The following MS4A13 variants were observed in gnomAD, a reference collection of about 807,000 sequenced individuals.
The protein encoded by MS4A13 is membrane spanning 4-domains A13.
In MS4A13, 21 loss-of-function variants were observed where a neutral mutation model predicts 18.4. The observed-to-expected ratio is 1.14, with a 90% CI of 0.81 to 1.64. The LOEUF (loss-of-function observed/expected upper bound fraction) is 1.64, where lower values mean the gene tolerates loss of function less well. MS4A13 is among the 40% of genes most tolerant of loss of function. The pLI is 0.00. For synonymous variants in MS4A13, 62 were observed against 57.2 expected (o/e 1.08, Z -0.38); for missense variants, 173 against 176.8 (o/e 0.98, Z 0.12).
At position 60,518,232 on chromosome 11, in the gene MS4A13, A is replaced by G; in HGVS notation, c.129+20A>G. On this transcript the variant is annotated intron_variant, in intron 3 of 6. Transcript: ENST00000378186. ...ATTTTTGTGAGTAGAATACATATAT[A>G]TTGCTTTAATCATACAATAAATAAT... is the stretch of plus-strand genomic sequence containing the variant. 6.3e-7 allele frequency: 1 copy of G among 1,577,604 alleles called. No individual in the cohort carries two copies. Among genetic ancestry groups the G allele is most frequent in the African/African-American group, 1.4e-5 (1 of 73,880 alleles).
intron 6 of MS4A13, among the ~76,000 whole-genome samples, chr11:60,538,183 AAAAAAAAACG>A (rs1229249069): frequency 1.3e-5 from 2 of 151,292 alleles, no homozygotes; most frequent in South Asian, 4.2e-4. Context: ...ATAATAAAAA[AAAAAAAAACG>A]AAAAAAAAAA....
rs765180418 is a variant in MS4A13, at chr11:60,542,615, T to G, written c.*40T>G. Reference sequence around the variant, plus strand: ...TGAGAATTTTGCTGTTGCTGATGCCTGGTGTGGGTCCTAATGATATCTCTG... The same window carrying G: ...TGAGAATTTTGCTGTTGCTGATGCCGGGTGTGGGTCCTAATGATATCTCTG... On this transcript the variant is annotated 3_prime_UTR_variant, in exon 7 of 7. Coordinates refer to ENST00000378186, the MANE Select transcript of MS4A13 (RefSeq NM_001012417.3). 1.5e-6 allele frequency: 2 copies of G among 1,327,504 alleles called. No individual in the cohort carries two copies. Among genetic ancestry groups the G allele is most frequent in the Non-Finnish European group, 2.2e-6 (2 of 927,964 alleles). 82.2% of individuals were successfully genotyped at this position (1,327,504 alleles called of 1,614,324 possible). A position where few individuals can be genotyped will look rare whatever the true frequency, so the allele number is the denominator to read the frequency against.
At chr11:60,528,173 C>T (rs1011694247) in intron 5 of MS4A13, among the ~76,000 whole-genome samples, 1 of 106,682 alleles carries the variant, frequency 9.4e-6, no homozygotes, top group African/African-American at 3.8e-5. Flanking sequence ...TAGCTTTACT[C>T]TACTGGTTGT....
chr11:60,527,410 C>CTCTCTCTGTG (rs1555024373), intron 5 of MS4A13, among the ~76,000 whole-genome samples: 3 of 28,806 alleles, frequency 1.0e-4, no homozygotes, highest in Admixed American at 5.9e-4. Flanking sequence ...CTCTCTCTCT[C>CTCTCTCTGTG]TGTGTGTGTG....
intron 2 of MS4A13, among the ~76,000 whole-genome samples, chr11:60,516,358 T>TA (rs1262024734): frequency 2.0e-5 from 3 of 152,234 alleles, no homozygotes; most frequent in African/African-American, 4.8e-5. Context: ...CACTTACATT[T>TA]ATGCAGTAGG....
intron 5 of MS4A13, among the ~76,000 whole-genome samples, chr11:60,526,317 T>C (rs1465495544): frequency 2.6e-5 from 4 of 152,214 alleles, no homozygotes; most frequent in African/African-American, 9.6e-5. Context: ...CTAGAAATCT[T>C]TAGTTCTAAT....
In MS4A13 at chr11:60,518,119, T is replaced by C. The variant is rs1161033856; in HGVS notation, c.36T>C (p.Phe12=). 4 of 1,608,164 alleles carry C rather than the reference T, an allele frequency of 2.5e-6. No homozygotes were observed. In the African/African-American group the frequency reaches 4.0e-5, roughly 16 times the overall value. Residue 12 remains phenylalanine (F), a synonymous_variant, in exon 3 of 7, where the codon TTT becomes TTC. Transcript: ENST00000378186. ...TCTTTCACATTTTCATGTGGTACTT[T>C]CTATTGGTTTTGTATATGGGACAAA... ...IGIFHIFMWY[F]LLVLYMGQIK...
Position 60,525,250 on chromosome 11 carries a change from C to T in MS4A13, c.230C>T (p.Thr77Ile), listed in dbSNP as rs1565212047. ...ATAAACATCATCTGCATAATTACTA[C>T]AATTACTGCAGTAACTCTAACAATA... ...LIINIICIIT[T>I]ITAVTLTIIE... Residue 77 changes from threonine (T) to isoleucine (I), a missense_variant, in exon 5 of 7, where the codon ACA becomes ATA. Thr to Ile is a moderately conservative substitution (Grantham distance 89). Coordinates refer to ENST00000378186, the MANE Select transcript of MS4A13 (RefSeq NM_001012417.3). The T allele has an allele frequency of 6.4e-7, 1 of 1,572,336 alleles. No individual in the cohort carries two copies. Among genetic ancestry groups the T allele is most frequent in the African/African-American group, 1.3e-5 (1 of 74,100 alleles).
At chr11:60,527,509 G>A (rs570366049) in intron 5 of MS4A13, among the ~76,000 whole-genome samples, 2 of 151,436 alleles carry the variant, frequency 1.3e-5, no homozygotes, top group Non-Finnish European at 2.9e-5. Flanking sequence ...TTCAGTCAGG[G>A]AGGGAGTTTT....
intron 2 of MS4A13, 45 bp from the exon 3 acceptor site, chr11:60,518,027 T>A: frequency 6.9e-7 from 1 of 1,439,782 alleles, no homozygotes; most frequent in Non-Finnish European, 9.4e-7. Flanking sequence ...GGAATTGTGT[T>A]TTAAATTACA....
rs1408422219 is a variant in MS4A13, at chr11:60,527,406, C to CTGTGTGTG, written c.307-1958_307-1957insGTGTGTGT. Among the ~76,000 whole-genome samples, 156 of 46,040 alleles carry CTGTGTGTG rather than the reference C, an allele frequency of 3.4e-3. 1 individual carries two copies. Among genetic ancestry groups the CTGTGTGTG allele is most frequent in the Admixed American group, 6.4e-3 (19 of 2,992 alleles). The allele number at this position is 46,040 out of a possible 152,430, so 30.2% of individuals were successfully genotyped here. On this transcript the variant is annotated intron_variant, in intron 5 of 6. Transcript: ENST00000378186. ...TCTCTCTCTCTCTCTCTCTCTCTCTCTCTCTGTGTGTGTGTGTGTGTGTGT... is the reference window on the plus strand; with the variant it reads ...TCTCTCTCTCTCTCTCTCTCTCTCTCTGTGTGTGTCTCTGTGTGTGTGTGTGTGTGTGT...
At chr11:60,530,149 CT>C (rs963133475) in intron 6 of MS4A13, among the ~76,000 whole-genome samples, 1 of 152,158 alleles carries the variant, frequency 6.6e-6, no homozygotes, top group Non-Finnish European at 1.5e-5. Context: ...TTCATTCATT[CT>C]TTCTCAAATA....
intron 6 of MS4A13, among the ~76,000 whole-genome samples, chr11:60,537,834 A>T (rs2086819241): frequency 9.9e-6 from 1 of 100,610 alleles, no homozygotes; most frequent in Non-Finnish European, 2.0e-5. Context: ...ACACCATGGA[A>T]TACTATGCAG....
rs2086864321 is a variant in MS4A13 at position 60,542,138 on chromosome 11, G to A, written c.403-381G>A. 2.1e-5 allele frequency among the ~76,000 whole-genome samples: 3 copies of A among 145,784 alleles called. No homozygotes were observed. The South Asian group carries it at 6.5e-4, about 32-fold the overall frequency. ...CCTTGAAAAAAAAAAAAAACCCAAG[G>A]AAGGAAGGAATGTAGGAAGGAAAAA... On this transcript the variant is annotated intron_variant, in intron 6 of 6. Transcript: ENST00000378186.
chr11:60,518,311 G>A, intron 3 of MS4A13, 99 bp downstream of exon 3: 1 of 942,808 alleles, frequency 1.1e-6, no homozygotes, highest in Non-Finnish European at 1.5e-6. Flanking sequence ...GTTTTCAGGA[G>A]AATTATGTAA....
At chr11:60,520,773 G>C (rs1343505678) in intron 3 of MS4A13, among the ~76,000 whole-genome samples, 1 of 152,196 alleles carries the variant, frequency 6.6e-6, no homozygotes, top group Non-Finnish European at 1.5e-5. Flanking sequence ...GGGGTCTGGA[G>C]GATGGTGGCC....
chr11:60,542,062 C>T (rs761180765), intron 6 of MS4A13, among the ~76,000 whole-genome samples: 5 of 148,272 alleles, frequency 3.4e-5, no homozygotes, highest in Admixed American at 6.7e-5. Context: ...GAGCCGAGAT[C>T]GCACCACTGC....
At chr11:60,528,590 A>G (rs2086737184) in intron 5 of MS4A13, among the ~76,000 whole-genome samples, 1 of 152,236 alleles carries the variant, frequency 6.6e-6, no homozygotes, top group Non-Finnish European at 1.5e-5. Context: ...TATTAAATAA[A>G]CCAAACAAAG....
At chr11:60,532,043 A>G (rs1433917596) in intron 6 of MS4A13, among the ~76,000 whole-genome samples, 1 of 152,244 alleles carries the variant, frequency 6.6e-6, no homozygotes, top group Admixed American at 6.5e-5. Flanking sequence ...AAGTATGCAA[A>G]TAATAATAGT....
Sources: gnomAD v4.1 joint callset for allele counts (sites outside exome capture counted in the v4.1 genomes callset) on GRCh38, gnomAD v4.1.1 for gene constraint, MANE v1.5 for transcripts, NCBI Gene and HGNC (gene_info 2026-07-23, HGNC 2026-07-21) for gene names.